Variants in GRB14 observed in about 807,000 individuals in gnomAD.
The protein encoded by GRB14 is growth factor receptor bound protein 14, also known as growth factor receptor-bound protein 14.
GRB14 carries 38 observed loss-of-function variants against 69.1 expected under a neutral mutation model. The observed-to-expected ratio is 0.55, with a 90% CI of 0.42 to 0.72. The LOEUF is 0.72. Ranked by LOEUF, GRB14 falls within the 30% of genes least tolerant of loss-of-function variation. The probability of loss-of-function intolerance (pLI) is 0.00; values close to 1 mark genes in which losing one functional copy is unlikely to be tolerated. For missense variants in GRB14, 666 were observed against 666.1 expected (o/e 1.00, Z 0.00); for synonymous variants, 247 against 241.3 (o/e 1.02, Z -0.22).
At chr2:164,579,501 GCA>G (rs61305070) in intron 2 of GRB14, among the ~76,000 whole-genome samples, 4,305 of 145,008 alleles carry the variant, frequency 0.03, 79 homozygotes, top group East Asian at 0.12. Context: ...GGGCACACTT[GCA>G]CACACACACA....
chr2:164,609,214 G>A (rs1463869819), intron 2 of GRB14, among the ~76,000 whole-genome samples: 1 of 152,192 alleles, frequency 6.6e-6, no homozygotes, highest in African/African-American at 2.4e-5. Flanking sequence ...TTGTGGCTAA[G>A]GCCTCCTTGA....
At chr2:164,573,321 T>C (rs1003571188) in intron 2 of GRB14, among the ~76,000 whole-genome samples, 6 of 152,200 alleles carry the variant, frequency 3.9e-5, no homozygotes, top group Non-Finnish European at 8.8e-5. Flanking sequence ...GTCACTCCGG[T>C]TACATAGTGG....
Position 164,508,518 on chromosome 2 carries a change from T to G in GRB14, c.960A>C (p.Lys320Asn), listed in dbSNP as rs1406344920. The G allele has an allele frequency of 1.2e-6, 2 of 1,613,994 alleles. No homozygotes were observed. Among genetic ancestry groups the G allele is most frequent in the Admixed American group, 3.3e-5 (2 of 59,980 alleles). The change falls in exon 8 of 14, where the codon AAA (lysine) becomes AAC (asparagine). Residue 320 changes from lysine (K) to asparagine (N), a missense_variant. Lys to Asn is a moderately conservative substitution (Grantham distance 94). Coordinates refer to ENST00000263915, the MANE Select transcript of GRB14 (RefSeq NM_004490.3). ...PNKAGGPRDL[K>N]MLCAEEEQSR... ...TCTGCTCTTCTTCTGCACAGAGCAT[T>G]TTCAGGTCTCGGGGCCCTCCCGCTT...
chr2:164,573,749 CTCTTCATATTTGAGACTT>C (rs1487582926), intron 2 of GRB14: 2 of 1,608,680 alleles, frequency 1.2e-6, no homozygotes, highest in Non-Finnish European at 1.7e-6. Context: ...TCATGCCCGT[CTCTTCATATTTGAGACTT>C]TCTGTCGCAT....
intron 2 of GRB14, among the ~76,000 whole-genome samples, chr2:164,576,682 ACT>A (rs1279192150): frequency 6.6e-6 from 1 of 151,794 alleles, no homozygotes; most frequent in African/African-American, 2.4e-5. Flanking sequence ...CAATTCTCAG[ACT>A]CTAATTCATA....
chr2:164,610,969 A>G (rs1367264898), intron 2 of GRB14, among the ~76,000 whole-genome samples: 1 of 152,028 alleles, frequency 6.6e-6, no homozygotes, highest in East Asian at 1.9e-4. Context: ...TAGAGAATAA[A>G]GAGGAATCAG....
chr2:164,616,597 T>C (rs1329416758), intron 2 of GRB14, among the ~76,000 whole-genome samples: 1 of 152,158 alleles, frequency 6.6e-6, no homozygotes, highest in Non-Finnish European at 1.5e-5. Context: ...CACTCATGCA[T>C]TATGTAGGCA....
chr2:164,584,147 ATTTTTTTTT>A (rs55883951), intron 2 of GRB14, among the ~76,000 whole-genome samples: 4 of 49,900 alleles, frequency 8.0e-5, no homozygotes, highest in Non-Finnish European at 1.0e-4. Flanking sequence ...CAGCCTGGCT[ATTTTTTTTT>A]TTTTTTTTTT....
chr2:164,619,910 T>C (rs1197162136), intron 1 of GRB14, 91 bp from the exon 2 acceptor site: 3 of 1,001,358 alleles, frequency 3.0e-6, no homozygotes, highest in Non-Finnish European at 1.6e-6. Context: ...AAGGCGAACA[T>C]GTACCACTCT....
Position 164,547,834 on chromosome 2 carries a change from A to C in GRB14, c.325-18T>G, listed in dbSNP as rs748032962. 10 of 1,566,946 alleles carry C rather than the reference A, an allele frequency of 6.4e-6. No individual in the cohort carries two copies. The highest frequency in any genetic ancestry group is 2.3e-5 in the East Asian group (1 of 44,206). On this transcript the variant is annotated intron_variant, in intron 2 of 13. Coordinates refer to ENST00000263915, the MANE Select transcript of GRB14 (RefSeq NM_004490.3). ...TTAATCACCTGTGTAGGTAGAAACA[A>C]GAAAAAGACCTAAAATATTCCTGTT... is the stretch of plus-strand genomic sequence containing the variant.
chr2:164,589,736 G>C (rs918024178), intron 2 of GRB14, among the ~76,000 whole-genome samples: 1 of 152,228 alleles, frequency 6.6e-6, no homozygotes, highest in East Asian at 1.9e-4. Context: ...GTTTGGAGGG[G>C]TCAAAGATCC....
intron 2 of GRB14, among the ~76,000 whole-genome samples, chr2:164,548,145 A>G (rs1408653008): frequency 3.9e-5 from 6 of 152,144 alleles, no homozygotes; most frequent in African/African-American, 1.4e-4. Flanking sequence ...CTTGATCTAC[A>G]TCTCCTCATT....
At chr2:164,502,627 C>G (rs865815715) in intron 8 of GRB14, among the ~76,000 whole-genome samples, 5 of 151,606 alleles carry the variant, frequency 3.3e-5, no homozygotes, top group Non-Finnish European at 5.9e-5. Flanking sequence ...CCACAACTAT[C>G]TGGAGTAGTA....
chr2:164,551,780 A>G (rs2105314188), intron 2 of GRB14, among the ~76,000 whole-genome samples: 1 of 152,180 alleles, frequency 6.6e-6, no homozygotes, highest in African/African-American at 2.4e-5. Flanking sequence ...ATGTGCTCTC[A>G]TTTTGTAACT....
At chr2:164,596,037 T>A (rs1477353163) in intron 2 of GRB14, among the ~76,000 whole-genome samples, 2 of 152,102 alleles carry the variant, frequency 1.3e-5, no homozygotes, top group African/African-American at 4.8e-5. Flanking sequence ...GGCAGGAGAA[T>A]CGCTTGAACC....
intron 3 of GRB14, among the ~76,000 whole-genome samples, chr2:164,536,248 C>T (rs1429557539): frequency 1.3e-5 from 2 of 152,268 alleles, no homozygotes; most frequent in Non-Finnish European, 2.9e-5. Context: ...TACAGAGAGT[C>T]CCAGCTCCAT....
intron 2 of GRB14, among the ~76,000 whole-genome samples, chr2:164,609,529 G>C (rs1293499114): frequency 9.2e-5 from 14 of 152,196 alleles, no homozygotes; most frequent in Non-Finnish European, 1.6e-4. Context: ...TCAGGTGTTT[G>C]TACGTGCATT....
intron 9 of GRB14, among the ~76,000 whole-genome samples, chr2:164,501,486 G>A (rs757861571): frequency 3.3e-5 from 5 of 152,058 alleles, no homozygotes; most frequent in Non-Finnish European, 7.4e-5. Context: ...CTTAAGGAGT[G>A]CAGCAAAAAT....
chr2:164,513,342 TA>T (rs1336750187), intron 6 of GRB14, among the ~76,000 whole-genome samples: 1 of 152,178 alleles, frequency 6.6e-6, no homozygotes, highest in South Asian at 2.1e-4. Flanking sequence ...CAGGAAATTA[TA>T]AATGTAACCT....
Sources: gnomAD v4.1 joint callset for allele counts (sites outside exome capture counted in the v4.1 genomes callset) on GRCh38, gnomAD v4.1.1 for gene constraint, MANE v1.5 for transcripts, NCBI Gene and HGNC (gene_info 2026-07-23, HGNC 2026-07-21) for gene names.